The following CFAP44 variants were observed in gnomAD, a reference collection of about 807,000 sequenced individuals.
The protein encoded by CFAP44 is cilia- and flagella-associated protein 44.
A neutral mutation model predicts 216.2 loss-of-function variants in CFAP44; 134 were observed. The observed-to-expected ratio is 0.62, with a 90% CI of 0.54 to 0.72. The LOEUF (loss-of-function observed/expected upper bound fraction) is 0.72. Ranked by LOEUF, CFAP44 falls within the 30% of genes least tolerant of loss-of-function variation. The pLI is 0.00. For missense variants in CFAP44, 2,035 were observed against 2,182.1 expected (o/e 0.93, Z 1.34); for synonymous variants, 700 against 727.6 (o/e 0.96, Z 0.61).
Position 113,416,562 on chromosome 3 carries a change from A to T in CFAP44, c.636T>A (p.Tyr212Ter). 6.2e-7 allele frequency: 1 copy of T among 1,612,596 alleles called. No individual in the cohort carries two copies. The highest frequency in any genetic ancestry group is 8.5e-7 in the Non-Finnish European group (1 of 1,178,968). Residue 212 changes from tyrosine to a stop codon, truncating the protein, a stop_gained, in exon 6 of 35, where the codon TAT (tyrosine) becomes TAA (stop). Coordinates refer to ENST00000393845, the MANE Select transcript of CFAP44 (RefSeq NM_001164496.2). LOFTEE classifies it high-confidence loss of function. The stretch of plus-strand genomic sequence containing the variant: ...TGTATGGTCTCAGAGAAGGATATTC[A>T]TAGATGATAATATCTGGAAAACTCC... ...EKGSFPDIII[Y>*]EYPSLRPYRV... is the part of the protein sequence containing the mutation.
At chr3:113,300,221 T>C (rs1162930939) in intron 32 of CFAP44, among the ~76,000 whole-genome samples, 7 of 152,032 alleles carry the variant, frequency 4.6e-5, no homozygotes, top group Non-Finnish European at 8.8e-5. Context: ...GGAAGGATAG[T>C]GGAGGTGGGG....
In CFAP44 at chr3:113,305,104, C is replaced by A. The variant is rs1398459044; in HGVS notation, c.4807G>T (p.Ala1603Ser). 1 of 1,537,264 alleles carries A rather than the reference C, an allele frequency of 6.5e-7. No individual in the cohort carries two copies. Among genetic ancestry groups the A allele is most frequent in the Non-Finnish European group, 8.7e-7 (1 of 1,146,902 alleles). Residue 1603 changes from alanine to serine, a missense_variant, in exon 31 of 35, where the codon GCT becomes TCT. Ala to Ser is a moderately conservative substitution (Grantham distance 99, BLOSUM62 1). Coordinates refer to ENST00000393845, the MANE Select transcript of CFAP44 (RefSeq NM_001164496.2). ...CGCTGCTGCTTCTCTCGCTGATAAG[C>A]CTCCAGGGCCTCCTCTGCTGCATTC... is the stretch of plus-strand genomic sequence containing the variant. The part of the protein sequence containing the change: ...NLNAAEEALE[A>S]YQREKQQRLN...
At chr3:113,378,807 C>A (rs11919031) in intron 17 of CFAP44, among the ~76,000 whole-genome samples, 12,611 of 152,144 alleles carry the variant, frequency 0.083, 639 homozygotes, top group East Asian at 0.15. Context: ...CAGGGTGGCA[C>A]TTAGACCATC....
At position 113,291,414 on chromosome 3, in the gene CFAP44, A is replaced by C; in HGVS notation, c.*143T>G. ...TAACCAAATTGTAGAGAGATTCTTA[A>C]AGTGACTTAACGTGACTGGATCTGG... On this transcript the variant is annotated 3_prime_UTR_variant, in exon 35 of 35. Coordinates refer to ENST00000393845, the MANE Select transcript of CFAP44 (RefSeq NM_001164496.2). 1 of 945,026 alleles carries C rather than the reference A, an allele frequency of 1.1e-6. No homozygotes were observed. The allele number at this position is 945,026 out of a possible 1,614,324, so 58.5% of individuals were successfully genotyped here. A position where few individuals can be genotyped will look rare whatever the true frequency, so the allele number is the denominator to read the frequency against.
At chr3:113,436,697 G>A (rs371720496) in intron 1 of CFAP44, among the ~76,000 whole-genome samples, 1 of 152,196 alleles carries the variant, frequency 6.6e-6, no homozygotes, top group African/African-American at 2.4e-5. Context: ...TCCCAAATAA[G>A]TGAAGGCAAG....
chr3:113,346,671 C>T (rs1950386699), intron 22 of CFAP44, among the ~76,000 whole-genome samples: 1 of 152,202 alleles, frequency 6.6e-6, no homozygotes. Flanking sequence ...TGTAAGTGCA[C>T]CAATCAGCAC....
Position 113,323,161 on chromosome 3 carries a change from A to G in CFAP44, c.4516+3284T>C, listed in dbSNP as rs141762230. 1.9e-3 allele frequency among the ~76,000 whole-genome samples: 290 copies of G among 152,350 alleles called. 2 individuals are homozygous for G. The highest frequency in any genetic ancestry group is 5.7e-3 in the African/African-American group (237 of 41,586). On this transcript the variant is annotated intron_variant, in intron 28 of 34. Coordinates refer to ENST00000393845, the MANE Select transcript of CFAP44 (RefSeq NM_001164496.2). ...TTCAAGATGAGATTTCGGTAGGGAC[A>G]CAGCCAAACCATAACACTGTGCTAT...
intron 31 of CFAP44, 37 bp from the exon 32 acceptor site, chr3:113,304,154 A>G: frequency 6.6e-7 from 1 of 1,520,812 alleles, no homozygotes; most frequent in Non-Finnish European, 8.8e-7. Flanking sequence ...AAATAGACAA[A>G]AACACAGATT....
At chr3:113,392,238 T>C (rs61258912) in intron 15 of CFAP44, among the ~76,000 whole-genome samples, 6,617 of 152,220 alleles carry the variant, frequency 0.043, 227 homozygotes, top group African/African-American at 0.087. Flanking sequence ...TGAAATCCTA[T>C]GATTTGCAAC....
chr3:113,401,775 G>A, intron 9 of CFAP44, 36 bp from the exon 10 acceptor site: 1 of 1,547,436 alleles, frequency 6.5e-7, no homozygotes, highest in Non-Finnish European at 8.7e-7. Flanking sequence ...TAATCGATCA[G>A]TAGTTTCTGA....
intron 28 of CFAP44, among the ~76,000 whole-genome samples, chr3:113,310,764 T>G (rs996444592): frequency 4.6e-5 from 7 of 152,186 alleles, no homozygotes; most frequent in African/African-American, 1.7e-4. Context: ...GCTGTTCTCA[T>G]GATAGTGAGT....
chr3:113,369,363 T>G (rs1576574641), intron 18 of CFAP44, among the ~76,000 whole-genome samples: 1 of 151,782 alleles, frequency 6.6e-6, no homozygotes, highest in South Asian at 2.1e-4. Context: ...TGTAAAAGAA[T>G]AGAAATCACA....
chr3:113,416,715 T>C lies in CFAP44; in HGVS notation c.571-88A>G, dbSNP rs1934658468. 3 of 937,500 alleles carry C rather than the reference T, an allele frequency of 3.2e-6. No homozygotes were observed. In the East Asian group the frequency reaches 8.3e-5, roughly 26 times the overall value. The allele number at this position is 937,500 out of a possible 1,614,324, so 58.1% of individuals were successfully genotyped here. ...AATGCAGTATTTAGCATCCATTATT[T>C]CATAATTTATTAGGCTTTACTCTAA... On this transcript the variant is annotated intron_variant, in intron 5 of 34. Transcript: ENST00000393845.
intron 28 of CFAP44, among the ~76,000 whole-genome samples, chr3:113,324,255 A>T (rs1253110918): frequency 1.3e-5 from 2 of 152,156 alleles, no homozygotes; most frequent in East Asian, 3.8e-4. Context: ...TTTCTGATTC[A>T]TATTAAGAAG....
chr3:113,351,211 T>A (rs1354473579), intron 22 of CFAP44, among the ~76,000 whole-genome samples: 1 of 152,214 alleles, frequency 6.6e-6, no homozygotes, highest in Non-Finnish European at 1.5e-5. Flanking sequence ...TAGCAAAGAA[T>A]AACTGAAATC....
intron 32 of CFAP44, 51 bp from the exon 33 acceptor site, chr3:113,296,936 T>C (rs1167724361): frequency 4.6e-6 from 7 of 1,521,418 alleles, no homozygotes; most frequent in Non-Finnish European, 6.2e-6. Context: ...CCCATTGTTA[T>C]AAATGAACAC....
chr3:113,290,741 C>T lies in CFAP44; in HGVS notation c.*816G>A, dbSNP rs1285901380. On this transcript the variant is annotated 3_prime_UTR_variant, in exon 35 of 35. Coordinates refer to ENST00000393845, the MANE Select transcript of CFAP44 (RefSeq NM_001164496.2). ...TATTTCATTATCTCCTCATCTATAT[C>T]AAAACCAGCAAATGGCCCAAGTAAA... The T allele has an allele frequency of 6.6e-6, 1 of 152,194 alleles. No individual in the cohort carries two copies. Among genetic ancestry groups the T allele is most frequent in the African/African-American group, 2.4e-5 (1 of 41,432 alleles). The allele number at this position is 152,194 out of a possible 1,614,324, so 9.4% of individuals were successfully genotyped here. A position where few individuals can be genotyped will look rare whatever the true frequency, so the allele number is the denominator to read the frequency against.
Position 113,380,880 on chromosome 3 carries a change from C to A in CFAP44, c.2052+19G>T. On this transcript the variant is annotated intron_variant, in intron 16 of 34. Transcript: ENST00000393845. ...GAAAGGAAATTATTATAAGATAATGCTTCAGGAATATTCCATACCAGAATC... is the reference window on the plus strand; with the variant it reads ...GAAAGGAAATTATTATAAGATAATGATTCAGGAATATTCCATACCAGAATC... 1 of 1,528,388 alleles carries A rather than the reference C, an allele frequency of 6.5e-7. No individual in the cohort carries two copies. Among genetic ancestry groups the A allele is most frequent in the South Asian group, 1.3e-5 (1 of 75,338 alleles). The allele number at this position is 1,528,388 out of a possible 1,614,324, so 94.7% of individuals were successfully genotyped here.
intron 28 of CFAP44, among the ~76,000 whole-genome samples, chr3:113,316,783 T>A (rs1285729916): frequency 6.6e-6 from 1 of 151,354 alleles, no homozygotes; most frequent in East Asian, 1.9e-4. Flanking sequence ...GCACAAGAAT[T>A]GCTTGAATCT....
Sources: gnomAD v4.1 joint callset for allele counts (sites outside exome capture counted in the v4.1 genomes callset) on GRCh38, gnomAD v4.1.1 for gene constraint, MANE v1.5 for transcripts, NCBI Gene and HGNC (gene_info 2026-07-23, HGNC 2026-07-21) for gene names.